PADI2: variants seen among roughly 807,000 people sequenced by gnomAD.
PADI2 encodes the protein peptidyl arginine deiminase 2, also known as protein-arginine deiminase type-2.
A neutral mutation model predicts 81.1 loss-of-function variants in PADI2; 70 were observed. That is an observed-to-expected ratio of 0.86 (90% confidence interval 0.71 to 1.05). PADI2 has a LOEUF of 1.05. Among genes scored for constraint, PADI2 ranks in the 50% least tolerant of loss-of-function variants. PADI2 has a pLI of 0.00. For missense variants in PADI2, 853 were observed against 889.9 expected, an observed-to-expected ratio of 0.96 and a Z score of 0.53; for synonymous variants, 338 against 358.0, an observed-to-expected ratio of 0.94 and a Z score of 0.63.
rs868017531 is a variant in PADI2 at position 17,100,026 on chromosome 1, C to A, written c.349+2961G>T. On this transcript the variant is annotated intron_variant, in intron 3 of 15. Coordinates refer to ENST00000375486, the MANE Select transcript of PADI2 (RefSeq NM_007365.3). ...TTTTGTGCCCAGGGGACAGTCCCAG[C>A]CTCTCAAGATATTGGGGTTGGGGGG... 1.0e-4 allele frequency among the ~76,000 whole-genome samples: 14 copies of A among 135,790 alleles called. No individual in the cohort carries two copies. The South Asian group carries it at 2.8e-3, about 27-fold the overall frequency. The allele number at this position is 135,790 out of a possible 152,430, so 89.1% of individuals were successfully genotyped here. A position where few individuals can be genotyped will look rare whatever the true frequency, so the allele number is the denominator to read the frequency against.
intron 1 of PADI2, among the ~76,000 whole-genome samples, chr1:17,117,022 T>C (rs1931780244): frequency 6.6e-6 from 1 of 152,176 alleles, no homozygotes; most frequent in Admixed American, 6.5e-5. Flanking sequence ...TTGTCACAAT[T>C]TGGGGGTTGC....
At chr1:17,116,890 A>C (rs1386097355) in intron 1 of PADI2, among the ~76,000 whole-genome samples, 2 of 152,202 alleles carry the variant, frequency 1.3e-5, no homozygotes, top group African/African-American at 2.4e-5. Context: ...TCACAATAGC[A>C]GTAACAACTC....
intron 1 of PADI2, 126 bp from the exon 2 acceptor site, chr1:17,105,187 G>A (rs528703540): frequency 6.7e-5 from 38 of 568,364 alleles, no homozygotes; most frequent in African/African-American, 6.3e-4. Context: ...GAGCCCAGGC[G>A]TTTGAGACCA....
At chr1:17,117,766 G>A (rs1403762889) in intron 1 of PADI2, among the ~76,000 whole-genome samples, 1 of 152,214 alleles carries the variant, frequency 6.6e-6, no homozygotes, top group African/African-American at 2.4e-5. Flanking sequence ...AAATAAACAG[G>A]TGGGTATGGT....
At chr1:17,080,196 T>C (rs1388723291) in intron 10 of PADI2, among the ~76,000 whole-genome samples, 1 of 152,202 alleles carries the variant, frequency 6.6e-6, no homozygotes, top group Admixed American at 6.5e-5. Flanking sequence ...AGTAAGAGAA[T>C]TTTGCATCCT....
rs745596178 is a variant in PADI2, at chr1:17,104,902, C to T, written c.252G>A (p.Ala84=). The T allele has an allele frequency of 2.1e-5, 33 of 1,588,328 alleles. No individual in the cohort carries two copies. Among genetic ancestry groups the T allele is most frequent in the Middle Eastern group, 2.1e-4 (1 of 4,746 alleles). The change falls in exon 2 of 16, where the codon GCG becomes GCA. Residue 84 remains alanine (A), a synonymous_variant. Coordinates refer to ENST00000375486, the MANE Select transcript of PADI2 (RefSeq NM_007365.3). Reference sequence around the variant, plus strand: ...CCTTGTCACTGCTGGCCTCGGTGCTCGCCTGGCTCATGGTGACCCGCAGGG... The same window carrying T: ...CCTTGTCACTGCTGGCCTCGGTGCTTGCCTGGCTCATGGTGACCCGCAGGG... The part of the protein sequence containing the change: ...STTLRVTMSQ[A]STEASSDKVT...
intron 14 of PADI2, 110 bp downstream of exon 14, chr1:17,071,296 A>C: frequency 1.4e-6 from 1 of 736,748 alleles, no homozygotes; most frequent in Non-Finnish European, 2.4e-6. Flanking sequence ...GCTCGGGGTC[A>C]GGAGCTCCTG....
At chr1:17,107,285 A>G (rs1931413376) in intron 1 of PADI2, among the ~76,000 whole-genome samples, 1 of 152,078 alleles carries the variant, frequency 6.6e-6, no homozygotes, top group Non-Finnish European at 1.5e-5. Flanking sequence ...GTTTAAATCT[A>G]TAGGGTGTTT....
chr1:17,072,885 C>A (rs1003240867), intron 13 of PADI2, among the ~76,000 whole-genome samples: 9 of 152,120 alleles, frequency 5.9e-5, no homozygotes, highest in Non-Finnish European at 1.3e-4. Flanking sequence ...AGAGAGGAAG[C>A]CTCCAGGAAG....
chr1:17,098,876 G>C (rs1310550157), intron 3 of PADI2, among the ~76,000 whole-genome samples: 1 of 152,234 alleles, frequency 6.6e-6, no homozygotes, highest in Non-Finnish European at 1.5e-5. Context: ...GCAGAGAACA[G>C]GGCTGGTGTG....
rs191558194 is a variant in PADI2, at chr1:17,092,983, A to G, written c.530-450T>C. 1.8e-3 allele frequency among the ~76,000 whole-genome samples: 268 copies of G among 152,010 alleles called. 2 individuals are homozygous for G. Among genetic ancestry groups the G allele is most frequent in the African/African-American group, 6.0e-3 (249 of 41,478 alleles). On this transcript the variant is annotated intron_variant, in intron 5 of 15. Transcript: ENST00000375486. ...AAAAAAGAAAAAAAAAGAAAAAGAA[A>G]AAAGCAAAGCATAAAACAGAATAAA...
intron 3 of PADI2, among the ~76,000 whole-genome samples, chr1:17,099,368 A>G (rs989613329): frequency 6.6e-6 from 1 of 152,096 alleles, no homozygotes. Flanking sequence ...CAGGACCTCA[A>G]ATAGGGTGGG....
chr1:17,094,592 C>T (rs1467321329), intron 4 of PADI2, among the ~76,000 whole-genome samples: 1 of 152,180 alleles, frequency 6.6e-6, no homozygotes, highest in East Asian at 1.9e-4. Context: ...TAATGTGGAC[C>T]ATGGGCTCCT....
chr1:17,119,423 T>TGCAGCAGGTGCGCCTTCTCCA lies in PADI2; in HGVS notation c.-73_-53dup. On this transcript the variant is annotated 5_prime_UTR_variant, in exon 1 of 16. Transcript: ENST00000375486. This position sits in a 1 kb window ranked among gnomAD's most constrained non-coding sequence, Gnocchi z 4.8. ...CTGGTCCGGGGCGGCCGGGAGCACC[T>TGCAGCAGGTGCGCCTTCTCCA]GCAGCAGGTGCGCCTTCTCCAGCAG... is the stretch of plus-strand genomic sequence containing the variant. 2.2e-6 allele frequency: 3 copies of TGCAGCAGGTGCGCCTTCTCCA among 1,351,926 alleles called. No homozygotes were observed. The highest frequency in any genetic ancestry group is 3.0e-6 in the Non-Finnish European group (3 of 992,840). The allele number at this position is 1,351,926 out of a possible 1,614,324, so 83.7% of individuals were successfully genotyped here.
chr1:17,073,206 A>C (rs2078276336), intron 13 of PADI2, among the ~76,000 whole-genome samples: 1 of 152,130 alleles, frequency 6.6e-6, no homozygotes, highest in Admixed American at 6.5e-5. Flanking sequence ...TCATGAGGTC[A>C]GGAGATTGAG....
In PADI2 at chr1:17,074,358, C is replaced by T. The variant is rs1392287474; in HGVS notation, c.1549+498G>A. On this transcript the variant is annotated intron_variant, in intron 13 of 15. Transcript: ENST00000375486. ...AGTGAGCCAAGATTTCACCATTGCA[C>T]TCCAGCCTGGGCAATAAGAGCGAAA... Among the ~76,000 whole-genome samples the T allele has an allele frequency of 4.7e-5, 7 of 150,450 alleles. No homozygotes were observed. The East Asian group carries it at 1.2e-3, about 25-fold the overall frequency.
chr1:17,083,041 TA>T, intron 9 of PADI2: 2 of 20,082 alleles, frequency 1.0e-4, no homozygotes, highest in Admixed American at 1.1e-3. Context: ...GGCTAATTTT[TA>T]AATTTTTTTT....
At chr1:17,095,703 A>G (rs1029065095) in intron 4 of PADI2, among the ~76,000 whole-genome samples, 1 of 152,092 alleles carries the variant, frequency 6.6e-6, no homozygotes, top group Non-Finnish European at 1.5e-5. Flanking sequence ...GGATGGAGAA[A>G]CTGAGACTCA....
intron 1 of PADI2, among the ~76,000 whole-genome samples, chr1:17,114,317 C>T (rs780511232): frequency 3.3e-5 from 5 of 152,150 alleles, no homozygotes; most frequent in Admixed American, 6.5e-5. Context: ...TTCAGGGAGC[C>T]CTTCATTGAC....
Sources: allele counts gnomAD v4.1 joint callset (sites outside exome capture counted in the v4.1 genomes callset), GRCh38; gene constraint gnomAD v4.1.1; non-coding constraint Gnocchi (gnomAD v3.1); transcripts MANE v1.5; gene names NCBI Gene and HGNC (gene_info 2026-07-23, HGNC 2026-07-21).